The following CLSTN2 variants were observed in gnomAD, a reference collection of about 807,000 sequenced individuals.
The protein encoded by CLSTN2 is calsyntenin 2.
In CLSTN2, 48 loss-of-function variants were observed where a neutral mutation model predicts 101.2. The observed-to-expected ratio is 0.47, with a 90% CI of 0.38 to 0.60. The LOEUF is 0.60. CLSTN2 is among the 20% of genes least tolerant of loss of function. The pLI is 0.00. For missense variants in CLSTN2, 1,160 were observed against 1,238.2 expected (o/e 0.94, Z 0.95); for synonymous variants, 481 against 463.6 (o/e 1.04, Z -0.48).
chr3:139,935,319 G>A lies in CLSTN2; in HGVS notation c.-56G>A, dbSNP rs867349658. 2.0e-6 allele frequency: 2 copies of A among 1,001,182 alleles called. No homozygotes were observed. Among genetic ancestry groups the A allele is most frequent in the Non-Finnish European group, 2.6e-6 (2 of 780,676 alleles). 62.0% of individuals were successfully genotyped at this position (1,001,182 alleles called of 1,614,324 possible). On this transcript the variant is annotated 5_prime_UTR_variant, in exon 1 of 17. Coordinates refer to ENST00000458420, the MANE Select transcript of CLSTN2 (RefSeq NM_022131.3). This position sits in a 1 kb window ranked among gnomAD's most constrained non-coding sequence, Gnocchi z 5.5. ...CACGGTGCGGCAGGCACCGGGAGGC[G>A]AGAGCCGGCGCGGACAGTAGGCGGC...
chr3:140,177,946 A>G (rs570458692), intron 2 of CLSTN2, among the ~76,000 whole-genome samples: 1 of 152,210 alleles, frequency 6.6e-6, no homozygotes, highest in South Asian at 2.1e-4. Context: ...CTCCCAGCCT[A>G]TATGCAGAGG....
intron 2 of CLSTN2, among the ~76,000 whole-genome samples, chr3:140,316,727 G>C (rs139334883): frequency 0.01 from 1,555 of 152,194 alleles, 36 homozygotes; most frequent in African/African-American, 0.036. Context: ...TCCCACAGTG[G>C]GTAGTAATGT....
intron 10 of CLSTN2, among the ~76,000 whole-genome samples, chr3:140,550,025 T>G (rs953687504): frequency 1.2e-4 from 18 of 150,718 alleles, no homozygotes; most frequent in Admixed American, 2.7e-4. Context: ...CTGATTTTCA[T>G]AGCACAATCC....
At chr3:140,272,901 T>A (rs1170636980) in intron 2 of CLSTN2, among the ~76,000 whole-genome samples, 1 of 152,172 alleles carries the variant, frequency 6.6e-6, no homozygotes, top group Non-Finnish European at 1.5e-5. Flanking sequence ...CTGGCTTAGT[T>A]TTGAAATATG....
intron 2 of CLSTN2, among the ~76,000 whole-genome samples, chr3:140,352,575 A>G (rs1174401943): frequency 6.6e-6 from 1 of 152,214 alleles, no homozygotes; most frequent in African/African-American, 2.4e-5. Flanking sequence ...GTTAGCAAAT[A>G]CATTTGCATT....
intron 2 of CLSTN2, among the ~76,000 whole-genome samples, chr3:140,326,857 C>T (rs375350920): frequency 6.6e-6 from 1 of 152,298 alleles, no homozygotes; most frequent in African/African-American, 2.4e-5. Context: ...TAACTTTACT[C>T]GCTTTAGACA....
rs563511186 is a variant in CLSTN2 at position 140,284,586 on chromosome 3, C to T, written c.232+108513C>T. The stretch of plus-strand genomic sequence containing the variant: ...AAGAGCCACTCCATCAGGATGTGCC[C>T]AGCCTCAGGTGCCTATTTTCTGAGG... On this transcript the variant is annotated intron_variant, in intron 2 of 16. Transcript: ENST00000458420. Among the ~76,000 whole-genome samples, 13 of 152,232 alleles carry T rather than the reference C, an allele frequency of 8.5e-5. No individual in the cohort carries two copies. The East Asian group carries it at 2.5e-3, about 29-fold the overall frequency.
intron 2 of CLSTN2, among the ~76,000 whole-genome samples, chr3:140,260,790 C>T (rs573472995): frequency 1.3e-5 from 2 of 152,246 alleles, no homozygotes; most frequent in East Asian, 1.9e-4. Flanking sequence ...TCTCTTTAGG[C>T]TTCTCTTGGC....
At chr3:140,528,474 G>A (rs980107799) in intron 8 of CLSTN2, among the ~76,000 whole-genome samples, 21 of 152,162 alleles carry the variant, frequency 1.4e-4, no homozygotes, top group Admixed American at 5.9e-4. Flanking sequence ...ATCCCGATCT[G>A]TTATAAGCCT....
chr3:140,303,464 T>C (rs1038984706), intron 2 of CLSTN2, among the ~76,000 whole-genome samples: 2 of 152,156 alleles, frequency 1.3e-5, no homozygotes, highest in African/African-American at 4.8e-5. Flanking sequence ...TCTCTCACAG[T>C]TTTCTGCTTG....
intron 2 of CLSTN2, among the ~76,000 whole-genome samples, chr3:140,331,674 C>G (rs1165871333): frequency 6.6e-6 from 1 of 152,208 alleles, no homozygotes; most frequent in Admixed American, 6.5e-5. Flanking sequence ...TGGACTTCTG[C>G]CCTATGTCTG....
chr3:140,007,649 C>T (rs559305376), intron 1 of CLSTN2, among the ~76,000 whole-genome samples: 9 of 152,128 alleles, frequency 5.9e-5, no homozygotes, highest in Non-Finnish European at 8.8e-5. Flanking sequence ...TGCAAGGCGG[C>T]GGTGGGAGGC....
intron 13 of CLSTN2, 78 bp from the exon 14 acceptor site, chr3:140,562,733 C>CA: frequency 6.7e-7 from 1 of 1,500,496 alleles, no homozygotes; most frequent in Non-Finnish European, 9.1e-7. Flanking sequence ...TCTTGTACCA[C>CA]AAGCCCTGGC....
intron 1 of CLSTN2, among the ~76,000 whole-genome samples, chr3:139,966,044 G>A (rs1935593232): frequency 6.6e-6 from 1 of 152,212 alleles, no homozygotes; most frequent in Admixed American, 6.5e-5. Flanking sequence ...AGGGTCAAAA[G>A]AACAGACAAG....
chr3:140,219,981 T>C (rs4592987), intron 2 of CLSTN2, among the ~76,000 whole-genome samples: 102,938 of 152,030 alleles, frequency 0.68, 35,258 homozygotes, highest in East Asian at 0.92. Context: ...ATTTTACAGA[T>C]GGAGAAATGG....
intron 1 of CLSTN2, among the ~76,000 whole-genome samples, chr3:140,017,031 T>G (rs1041124881): frequency 6.6e-6 from 1 of 152,120 alleles, no homozygotes; most frequent in Non-Finnish European, 1.5e-5. Flanking sequence ...AGGCTAGAAT[T>G]GAATATCAGG....
chr3:140,155,235 G>A (rs9917737), intron 1 of CLSTN2, among the ~76,000 whole-genome samples: 15,981 of 152,206 alleles, frequency 0.1, 2,789 homozygotes, highest in African/African-American at 0.36. Context: ...TATCATCTGG[G>A]AATGGAATGT....
chr3:140,530,967 G>C (rs1321392931), intron 8 of CLSTN2, among the ~76,000 whole-genome samples: 1 of 152,156 alleles, frequency 6.6e-6, no homozygotes, highest in Non-Finnish European at 1.5e-5. Flanking sequence ...ACCTCTTTGG[G>C]TTCGGTGCTT....
intron 1 of CLSTN2, among the ~76,000 whole-genome samples, chr3:140,125,353 A>C: frequency 6.6e-6 from 1 of 152,274 alleles, no homozygotes; most frequent in Non-Finnish European, 1.5e-5. Flanking sequence ...AGCAAAGCCC[A>C]CAAATGGGCA....
Sources: allele counts gnomAD v4.1 joint callset (sites outside exome capture counted in the v4.1 genomes callset), GRCh38; gene constraint gnomAD v4.1.1; non-coding constraint Gnocchi (gnomAD v3.1); transcripts MANE v1.5; gene names NCBI Gene and HGNC (gene_info 2026-07-23, HGNC 2026-07-21).